The following ANK3 variants were observed in gnomAD, a reference collection of about 807,000 sequenced individuals.
ANK3 encodes the protein ankyrin-3.
In ANK3, 57 loss-of-function variants were observed where a neutral mutation model predicts 370.9. The ratio of observed to expected loss-of-function variants is 0.15; its 90% CI spans 0.12 to 0.19. The LOEUF (loss-of-function observed/expected upper bound fraction) is 0.19. Ranked by LOEUF, ANK3 falls within the 10% of genes least tolerant of loss-of-function variation. The pLI is 1.00. For missense variants in ANK3, 4,439 were observed against 5,302.1 expected (o/e 0.84, Z 5.06); for synonymous variants, 1,929 against 1,946.3 (o/e 0.99, Z 0.23).
At chr10:60,459,006 T>C (rs1479780042) in intron 2 of ANK3, among the ~76,000 whole-genome samples, 1 of 152,158 alleles carries the variant, frequency 6.6e-6, no homozygotes, top group African/African-American at 2.4e-5. Flanking sequence ...GAGAGTTTTT[T>C]AATACAAAGT....
intron 2 of ANK3, among the ~76,000 whole-genome samples, chr10:60,492,024 C>G (rs918007636): frequency 1.6e-4 from 24 of 152,108 alleles, no homozygotes; most frequent in African/African-American, 5.8e-4. Context: ...TATAATGGAA[C>G]TGAAGATTTT....
chr10:60,071,897 G>A lies in ANK3; in HGVS notation c.8984C>T (p.Ser2995Phe). Reference sequence around the variant, plus strand: ...TGTCTCTTTACTCATGCTTGACTGGGACAATTTTTGTGATAGTTCATGTTT... The same window carrying A: ...TGTCTCTTTACTCATGCTTGACTGGAACAATTTTTGTGATAGTTCATGTTT... Reference protein sequence around the residue: ...FPKHELSQKLSQSSMSKETVE... With the variant: ...FPKHELSQKLFQSSMSKETVE... The change falls in exon 37 of 44, where the codon TCC becomes TTC. Residue 2995 changes from serine to phenylalanine, a missense_variant. Ser to Phe is a radical substitution (Grantham distance 155). This residue lies in a region of ANK3 where 1,601 missense variants were observed against 1,731.7 expected (regional missense o/e 0.92). Transcript: ENST00000280772. 6.2e-7 allele frequency: 1 copy of A among 1,614,018 alleles called. No individual in the cohort carries two copies.
chr10:60,035,953 CTGG>C, intron 43 of ANK3, among the ~76,000 whole-genome samples: 1 of 152,030 alleles, frequency 6.6e-6, no homozygotes, highest in East Asian at 1.9e-4. Context: ...GTAAAATATT[CTGG>C]AGGGCAGGGT....
rs1031816394 is a variant in ANK3 at position 60,375,217 on chromosome 10, G to A, written c.114+14208C>T. Reference sequence around the variant, plus strand: ...TAGTACATTACAAGTAATCAAGCACGAGTACTAGGGGCACAACAGGTATTA... The same window carrying A: ...TAGTACATTACAAGTAATCAAGCACAAGTACTAGGGGCACAACAGGTATTA... On this transcript the variant is annotated intron_variant, in intron 1 of 43. Coordinates refer to ENST00000280772, the MANE Select transcript of ANK3 (RefSeq NM_020987.5). 3.9e-5 allele frequency among the ~76,000 whole-genome samples: 6 copies of A among 152,128 alleles called. No individual in the cohort carries two copies. The South Asian group carries it at 8.3e-4, about 21-fold the overall frequency.
intron 2 of ANK3, among the ~76,000 whole-genome samples, chr10:60,613,676 A>G (rs1426425169): frequency 6.6e-6 from 1 of 152,190 alleles, no homozygotes; most frequent in Non-Finnish European, 1.5e-5. Flanking sequence ...ACCAATGTCA[A>G]AGTCTTACTA....
At chr10:60,346,103 A>G (rs1200455950) in intron 1 of ANK3, among the ~76,000 whole-genome samples, 1 of 152,108 alleles carries the variant, frequency 6.6e-6, no homozygotes, top group Non-Finnish European at 1.5e-5. Context: ...CACTCTTTGT[A>G]ACAAATACAA....
chr10:60,230,682 A>C (rs2097226731), intron 8 of ANK3, among the ~76,000 whole-genome samples: 2 of 152,194 alleles, frequency 1.3e-5, no homozygotes, highest in African/African-American at 4.8e-5. Flanking sequence ...CGAGGTCAGG[A>C]GATCAAGACC....
chr10:60,474,762 C>T (rs2075013916), intron 2 of ANK3, among the ~76,000 whole-genome samples: 1 of 151,962 alleles, frequency 6.6e-6, no homozygotes, highest in Non-Finnish European at 1.5e-5. Flanking sequence ...TTAAATATTC[C>T]ATACTCATTT....
chr10:60,628,599 C>T (rs1221910335), intron 1 of ANK3, among the ~76,000 whole-genome samples: 1 of 152,104 alleles, frequency 6.6e-6, no homozygotes, highest in African/African-American at 2.4e-5. Context: ...AGCTCCCAGA[C>T]AAAATGGTTT....
chr10:60,214,228 G>GATGA (rs1305666024), intron 8 of ANK3, among the ~76,000 whole-genome samples: 14 of 152,098 alleles, frequency 9.2e-5, no homozygotes, highest in Non-Finnish European at 1.8e-4. Context: ...GCTAGAATAA[G>GATGA]ACAGGGTTCA....
intron 2 of ANK3, among the ~76,000 whole-genome samples, chr10:60,476,759 A>G (rs568000421): frequency 4.2e-4 from 64 of 152,310 alleles, no homozygotes; most frequent in African/African-American, 1.5e-3. Context: ...GACTGTATCA[A>G]CCTAAGCCAG....
intron 1 of ANK3, among the ~76,000 whole-genome samples, chr10:60,651,133 G>C (rs756803698): frequency 2.0e-5 from 3 of 152,130 alleles, no homozygotes; most frequent in African/African-American, 7.2e-5. Context: ...ATGTGTGTGT[G>C]TTTATGTATA....
chr10:60,455,602 C>G (rs187953643), intron 2 of ANK3, among the ~76,000 whole-genome samples: 113 of 152,238 alleles, frequency 7.4e-4, no homozygotes, highest in African/African-American at 2.7e-3. Flanking sequence ...ATATAAATCA[C>G]TTGTCTACAT....
At chr10:60,362,586 G>A (rs974586677) in intron 1 of ANK3, among the ~76,000 whole-genome samples, 1 of 152,162 alleles carries the variant, frequency 6.6e-6, no homozygotes, top group African/African-American at 2.4e-5. Flanking sequence ...TAATGAATAC[G>A]ATTGAGTGGT....
intron 8 of ANK3, among the ~76,000 whole-genome samples, chr10:60,229,408 A>T (rs2097209039): frequency 6.6e-6 from 1 of 152,186 alleles, no homozygotes; most frequent in Admixed American, 6.5e-5. Context: ...TATTTTATTC[A>T]AGGATTTATT....
At chr10:60,451,927 G>A (rs375909058) in intron 2 of ANK3, among the ~76,000 whole-genome samples, 6 of 152,318 alleles carry the variant, frequency 3.9e-5, no homozygotes, top group African/African-American at 1.4e-4. Flanking sequence ...ACATACCCTG[G>A]AGGACCTGTG....
intron 1 of ANK3, among the ~76,000 whole-genome samples, chr10:60,288,261 C>T (rs2040494978): frequency 6.6e-6 from 1 of 152,150 alleles, no homozygotes; most frequent in Non-Finnish European, 1.5e-5. Context: ...TGCTACTTTC[C>T]CTGATAAACA....
rs374267577 is a variant in ANK3, at chr10:60,139,047, C to A, written c.2655G>T (p.Gly885=). The A allele has an allele frequency of 1.7e-4, 272 of 1,613,740 alleles. 9 individuals carry two copies. In the South Asian group the frequency reaches 2.8e-3, roughly 16 times the overall value. The change falls in exon 24 of 44, where the codon GGG becomes GGT. Residue 885 remains glycine, a synonymous_variant. Coordinates refer to ENST00000280772, the MANE Select transcript of ANK3 (RefSeq NM_020987.5). ...CACCCAATTCCTTAAGGTCCTGTGG[C>A]CCAAGATATTTGTCTGTGTCCCCGG... is the stretch of plus-strand genomic sequence containing the variant. ...AMTGDTDKYL[G]PQDLKELGDD...
chr10:60,446,618 T>A (rs1476530915), intron 2 of ANK3, among the ~76,000 whole-genome samples: 1 of 152,198 alleles, frequency 6.6e-6, no homozygotes, highest in African/African-American at 2.4e-5. Flanking sequence ...TTTGAGCTTT[T>A]CCATACAGCC....
Sources: allele counts gnomAD v4.1 joint callset (sites outside exome capture counted in the v4.1 genomes callset), GRCh38; gene constraint gnomAD v4.1.1; regional missense constraint gnomAD v4.1.1; transcripts MANE v1.5; gene names NCBI Gene and HGNC (gene_info 2026-07-23, HGNC 2026-07-21).